The following PIP5K1B variants were observed in gnomAD, a reference collection of about 807,000 sequenced individuals.
PIP5K1B encodes the protein phosphatidylinositol 4-phosphate 5-kinase type-1 beta.
PIP5K1B carries 42 observed loss-of-function variants against 67.0 expected under a neutral mutation model. The ratio of observed to expected loss-of-function variants is 0.63; its 90% CI spans 0.49 to 0.81. The LOEUF is 0.81. Ranked by LOEUF, PIP5K1B falls within the 30% of genes least tolerant of loss-of-function variation. The pLI is 0.00. For missense variants in PIP5K1B, 459 were observed against 646.3 expected, an observed-to-expected ratio of 0.71 and a Z score of 3.14; for synonymous variants, 214 against 231.4, an observed-to-expected ratio of 0.92 and a Z score of 0.68.
chr9:68,741,410 C>T (rs1268108212), intron 1 of PIP5K1B, among the ~76,000 whole-genome samples: 1 of 152,158 alleles, frequency 6.6e-6, no homozygotes, highest in Admixed American at 6.6e-5. Context: ...GCTGTAAGTA[C>T]AGTCAGTTGA....
At chr9:68,796,348 A>G (rs1012770769) in intron 2 of PIP5K1B, among the ~76,000 whole-genome samples, 26 of 152,098 alleles carry the variant, frequency 1.7e-4, no homozygotes, top group African/African-American at 6.3e-4. Flanking sequence ...GTACATCTGA[A>G]CAAACTTTTA....
At chr9:68,783,249 TCTC>T (rs1349844147) in intron 2 of PIP5K1B, 2 of 167,128 alleles carry the variant, frequency 1.2e-5, no homozygotes, top group East Asian at 1.9e-4. Flanking sequence ...GCTTCAATCC[TCTC>T]CTCATCTCTG....
chr9:68,990,338 C>G (rs1830306175), intron 14 of PIP5K1B, among the ~76,000 whole-genome samples: 2 of 151,888 alleles, frequency 1.3e-5, no homozygotes, highest in Admixed American at 1.3e-4. Context: ...TCTAACCAGC[C>G]CACCAGGGGA....
intron 14 of PIP5K1B, among the ~76,000 whole-genome samples, chr9:68,950,817 G>A (rs987826830): frequency 6.6e-6 from 1 of 152,184 alleles, no homozygotes; most frequent in African/African-American, 2.4e-5. Context: ...TGTTACCTGT[G>A]GAGTCATCAC....
chr9:68,835,313 G>T (rs1208730862), intron 4 of PIP5K1B, among the ~76,000 whole-genome samples: 4 of 152,240 alleles, frequency 2.6e-5, no homozygotes, highest in African/African-American at 9.6e-5. Context: ...TTCCTCACCA[G>T]CAGTGGACTG....
At chr9:68,747,716 C>T (rs1829392331) in intron 2 of PIP5K1B, among the ~76,000 whole-genome samples, 1 of 151,888 alleles carries the variant, frequency 6.6e-6, no homozygotes, top group South Asian at 2.1e-4. Context: ...TTTTTTTACA[C>T]CTTCTTGTCA....
intron 14 of PIP5K1B, among the ~76,000 whole-genome samples, chr9:68,960,512 A>G (rs191264651): frequency 2.0e-3 from 301 of 150,966 alleles, no homozygotes; most frequent in African/African-American, 6.9e-3. Context: ...TTCTCTGTGT[A>G]TCTCCTCATT....
intron 2 of PIP5K1B, among the ~76,000 whole-genome samples, chr9:68,763,598 G>C (rs1487785874): frequency 6.6e-6 from 1 of 151,862 alleles, no homozygotes; most frequent in Admixed American, 6.6e-5. Flanking sequence ...AATTGTGAAG[G>C]ATGTTAAAAA....
chr9:68,888,126 G>A (rs75991293), intron 6 of PIP5K1B, among the ~76,000 whole-genome samples: 7,081 of 152,172 alleles, frequency 0.047, 297 homozygotes, highest in East Asian at 0.24. Context: ...CTACAGGCAC[G>A]TGCCACCACG....
intron 4 of PIP5K1B, among the ~76,000 whole-genome samples, chr9:68,856,593 G>T (rs554181314): frequency 1.3e-5 from 2 of 152,242 alleles, no homozygotes; most frequent in African/African-American, 4.8e-5. Context: ...GTGTATCTTT[G>T]TCTGTTTAAT....
chr9:68,764,647 T>C (rs1325544235), intron 2 of PIP5K1B, among the ~76,000 whole-genome samples: 1 of 152,122 alleles, frequency 6.6e-6, no homozygotes, highest in Non-Finnish European at 1.5e-5. Flanking sequence ...TTATACATTC[T>C]ACCAAGCATT....
chr9:68,809,640 A>G lies in PIP5K1B; in HGVS notation c.-85-8821A>G, dbSNP rs534556133. 5.9e-5 allele frequency among the ~76,000 whole-genome samples: 9 copies of G among 152,334 alleles called. No individual in the cohort carries two copies. In the South Asian group the frequency reaches 6.2e-4, roughly 11 times the overall value. On this transcript the variant is annotated intron_variant, in intron 2 of 15. Transcript: ENST00000265382. ...TCTCTGAGTACACCCATGAAAATTT[A>G]AATACCCTTCACGGTGCTGGGTCTT...
chr9:68,839,419 G>A (rs1821796055), intron 4 of PIP5K1B, among the ~76,000 whole-genome samples: 1 of 151,950 alleles, frequency 6.6e-6, no homozygotes, highest in Admixed American at 6.6e-5. Flanking sequence ...GTGGGGAGAA[G>A]GTTACATCTC....
intron 14 of PIP5K1B, among the ~76,000 whole-genome samples, chr9:68,947,459 A>G (rs1191453796): frequency 6.6e-6 from 1 of 152,230 alleles, no homozygotes; most frequent in Non-Finnish European, 1.5e-5. Flanking sequence ...CTTGACTGAC[A>G]GGACCTAGTC....
At chr9:68,737,966 G>A (rs1005000566) in intron 1 of PIP5K1B, among the ~76,000 whole-genome samples, 3 of 152,200 alleles carry the variant, frequency 2.0e-5, no homozygotes, top group African/African-American at 7.2e-5. Context: ...GCACATAATA[G>A]AGAGATGTTG....
intron 2 of PIP5K1B, among the ~76,000 whole-genome samples, chr9:68,747,031 G>A (rs1306914116): frequency 2.6e-5 from 4 of 152,000 alleles, no homozygotes; most frequent in Non-Finnish European, 5.9e-5. Flanking sequence ...GGATTCTGAA[G>A]GAAGGCGCTG....
At chr9:69,000,894 CTTT>C (rs35077587) in intron 15 of PIP5K1B, among the ~76,000 whole-genome samples, 1 of 144,538 alleles carries the variant, frequency 6.9e-6, no homozygotes, top group African/African-American at 2.6e-5. Flanking sequence ...GGGAGCACAA[CTTT>C]TTTTTTTTTT....
At chr9:68,755,232 T>G (rs568904201) in intron 2 of PIP5K1B, among the ~76,000 whole-genome samples, 1 of 152,366 alleles carries the variant, frequency 6.6e-6, no homozygotes, top group East Asian at 1.9e-4. Flanking sequence ...CCTTTTGTTG[T>G]TTGCTGACTT....
At chr9:68,869,285 G>A (rs1351114338) in intron 5 of PIP5K1B, among the ~76,000 whole-genome samples, 1 of 152,166 alleles carries the variant, frequency 6.6e-6, no homozygotes. Flanking sequence ...ATTCTCATAG[G>A]AGCACAAACC....
Sources: allele counts gnomAD v4.1 joint callset (sites outside exome capture counted in the v4.1 genomes callset), GRCh38; gene constraint gnomAD v4.1.1; transcripts MANE v1.5; gene names NCBI Gene and HGNC (gene_info 2026-07-23, HGNC 2026-07-21).